The following MBNL2 variants were observed in gnomAD, a reference collection of about 807,000 sequenced individuals.
The protein encoded by MBNL2 is muscleblind-like protein 2.
MBNL2 carries 17 observed loss-of-function variants against 41.9 expected under a neutral mutation model. The observed-to-expected ratio is 0.41, with a 90% CI of 0.28 to 0.61. MBNL2 has a LOEUF of 0.61. Among genes scored for constraint, MBNL2 ranks in the 20% least tolerant of loss-of-function variants. The pLI is 0.35. For synonymous variants in MBNL2, 195 were observed against 182.9 expected, an observed-to-expected ratio of 1.07 and a Z score of -0.53; for missense variants, 336 against 505.6, an observed-to-expected ratio of 0.66 and a Z score of 3.22.
chr13:97,273,076 C>A (rs2051411589), intron 1 of MBNL2, among the ~76,000 whole-genome samples: 1 of 152,212 alleles, frequency 6.6e-6, no homozygotes, highest in African/African-American at 2.4e-5. Flanking sequence ...TTATTCTTGC[C>A]ATCTATGCAA....
At chr13:97,242,760 T>C (rs2044557545) in intron 1 of MBNL2, among the ~76,000 whole-genome samples, 1 of 151,112 alleles carries the variant, frequency 6.6e-6, no homozygotes, top group African/African-American at 2.4e-5. Context: ...CAGGACTTAC[T>C]TGTTCCTTTT....
chr13:97,347,788 G>C (rs1257135314), intron 5 of MBNL2, among the ~76,000 whole-genome samples: 3 of 152,136 alleles, frequency 2.0e-5, no homozygotes, highest in African/African-American at 7.2e-5. Context: ...GAGCCTAACT[G>C]TCCCTTAGAG....
At chr13:97,234,262 T>A (rs1025011740) in intron 1 of MBNL2, among the ~76,000 whole-genome samples, 1 of 152,172 alleles carries the variant, frequency 6.6e-6, no homozygotes, top group Admixed American at 6.5e-5. Context: ...AAGTGTCTCT[T>A]TAGGAGGCGA....
intron 8 of MBNL2, among the ~76,000 whole-genome samples, chr13:97,388,084 T>C (rs1197348627): frequency 6.6e-6 from 1 of 152,124 alleles, no homozygotes; most frequent in Non-Finnish European, 1.5e-5. Context: ...TTGAGCTCAC[T>C]TTGGTGAACT....
chr13:97,192,509 A>G, the MBNL2 span, among the ~76,000 whole-genome samples: 2 of 152,254 alleles, frequency 1.3e-5, no homozygotes, highest in African/African-American at 4.8e-5. Flanking sequence ...GTTGGAAAGC[A>G]GAGGAAATTG....
intron 2 of MBNL2, among the ~76,000 whole-genome samples, chr13:97,282,914 C>G (rs2053707979): frequency 6.6e-6 from 1 of 152,212 alleles, no homozygotes; most frequent in African/African-American, 2.4e-5. Flanking sequence ...GCAGTCATCC[C>G]CAGAGAATGC....
the MBNL2 span, among the ~76,000 whole-genome samples, chr13:97,215,237 C>T: frequency 2.0e-5 from 3 of 152,238 alleles, no homozygotes; most frequent in African/African-American, 7.2e-5. Flanking sequence ...AGACAGTTAA[C>T]ATTGGCCAAA....
intron 2 of MBNL2, among the ~76,000 whole-genome samples, chr13:97,324,292 A>C (rs2059736913): frequency 6.6e-6 from 1 of 152,190 alleles, no homozygotes; most frequent in Non-Finnish European, 1.5e-5. Flanking sequence ...AAGGGGTTCA[A>C]TACATATTTG....
the MBNL2 span, among the ~76,000 whole-genome samples, chr13:97,182,173 C>T: frequency 2.6e-5 from 4 of 152,114 alleles, no homozygotes; most frequent in East Asian, 1.9e-4. Flanking sequence ...ATGGATGGAA[C>T]CCAGGCAATC....
intron 1 of MBNL2, among the ~76,000 whole-genome samples, chr13:97,229,616 A>T (rs1010843903): frequency 6.6e-6 from 1 of 152,186 alleles, no homozygotes; most frequent in African/African-American, 2.4e-5. Flanking sequence ...TCAAAATCTC[A>T]GGAAGGAGGA....
At chr13:97,213,823 G>A in the MBNL2 span, among the ~76,000 whole-genome samples, 1 of 152,138 alleles carries the variant, frequency 6.6e-6, no homozygotes, top group Non-Finnish European at 1.5e-5. Context: ...CTTTCCTTCA[G>A]GAACGGTATA....
At chr13:97,391,217 G>A in intron 8 of MBNL2, 105 bp from the exon 9 acceptor site, 1 of 647,386 alleles carries the variant, frequency 1.5e-6, no homozygotes, top group South Asian at 1.9e-5. Context: ...AGAGATTGAA[G>A]AAAACTCTGA....
At chr13:97,320,090 T>C (rs1415780329) in intron 2 of MBNL2, among the ~76,000 whole-genome samples, 1 of 152,128 alleles carries the variant, frequency 6.6e-6, no homozygotes, top group Non-Finnish European at 1.5e-5. Context: ...AAATACATTA[T>C]CTAACATTTG....
intron 1 of MBNL2, among the ~76,000 whole-genome samples, chr13:97,266,317 A>G (rs371580062): frequency 4.6e-5 from 7 of 152,258 alleles, no homozygotes; most frequent in African/African-American, 1.7e-4. Context: ...AAAAACCATT[A>G]AAAGAAATCT....
At chr13:97,216,010 C>A in the MBNL2 span, among the ~76,000 whole-genome samples, 1 of 152,304 alleles carries the variant, frequency 6.6e-6, no homozygotes, top group Non-Finnish European at 1.5e-5. Context: ...CATTTACATG[C>A]TTTATGCAAT....
At chr13:97,213,869 A>G in the MBNL2 span, among the ~76,000 whole-genome samples, 1 of 151,836 alleles carries the variant, frequency 6.6e-6, no homozygotes, top group Non-Finnish European at 1.5e-5. Context: ...TTTAATTTTT[A>G]AAGTCAAGAT....
At chr13:97,368,002 T>C (rs1205908400) in intron 8 of MBNL2, among the ~76,000 whole-genome samples, 2 of 152,182 alleles carry the variant, frequency 1.3e-5, no homozygotes, top group Admixed American at 1.3e-4. Flanking sequence ...TCTCAATCAC[T>C]CATTCTTAAT....
chr13:97,146,532 C>T, the MBNL2 span, among the ~76,000 whole-genome samples: 1 of 152,124 alleles, frequency 6.6e-6, no homozygotes, highest in African/African-American at 2.4e-5. Flanking sequence ...AGAAAGCACA[C>T]TGGGGAACAA....
In MBNL2 at chr13:97,390,053, T is replaced by C. The variant is rs2066277733; in HGVS notation, c.1049-1269T>C. Among the ~76,000 whole-genome samples, 4 of 152,296 alleles carry C rather than the reference T, an allele frequency of 2.6e-5. No homozygotes were observed. The South Asian group carries it at 8.3e-4, about 32-fold the overall frequency. ...TACACAAGACAAGGAATGCTATTTTTCCCAGTTAATTTTACATTCCTAGGA... is the reference window on the plus strand; with the variant it reads ...TACACAAGACAAGGAATGCTATTTTCCCCAGTTAATTTTACATTCCTAGGA... On this transcript the variant is annotated intron_variant, in intron 8 of 8. Transcript: ENST00000679496.
Sources: gnomAD v4.1 joint callset for allele counts (sites outside exome capture counted in the v4.1 genomes callset) on GRCh38, gnomAD v4.1.1 for gene constraint, MANE v1.5 for transcripts, NCBI Gene and HGNC (gene_info 2026-07-23, HGNC 2026-07-21) for gene names.